Variants in NCR1 observed in about 807,000 individuals in gnomAD.
NCR1 encodes NK cell-activating receptor.
In NCR1, 30 loss-of-function variants were observed where a neutral mutation model predicts 32.5. The ratio of observed to expected loss-of-function variants is 0.92; its 90% CI spans 0.69 to 1.25. The LOEUF (loss-of-function observed/expected upper bound fraction) is 1.25. Among genes scored for constraint, NCR1 ranks in the 50% most tolerant of loss-of-function variants. NCR1 has a pLI of 0.00. For missense variants in NCR1, 369 were observed against 380.7 expected (o/e 0.97, Z 0.26); for synonymous variants, 169 against 143.4 (o/e 1.18, Z -1.28).
At chr19:54,927,657 T>C in the NCR1 span, 3 of 1,614,176 alleles carry the variant, frequency 1.9e-6, no homozygotes, top group Non-Finnish European at 2.5e-6. Flanking sequence ...AAGAGCTTAA[T>C]TATGCCACTC....
At chr19:54,931,098 G>A in the NCR1 span, among the ~76,000 whole-genome samples, 1 of 152,158 alleles carries the variant, frequency 6.6e-6, no homozygotes, top group Admixed American at 6.5e-5. Context: ...ATGAACTGGA[G>A]CTATATACTT....
downstream of NCR1, among the ~76,000 whole-genome samples, chr19:54,915,383 G>A (rs148573608): frequency 6.6e-6 from 1 of 152,024 alleles, no homozygotes; most frequent in East Asian, 1.9e-4. Context: ...GGGTCCTCAC[G>A]CCCTCCCATT....
At chr19:54,924,539 A>G in the NCR1 span, among the ~76,000 whole-genome samples, 1 of 152,116 alleles carries the variant, frequency 6.6e-6, no homozygotes, top group Non-Finnish European at 1.5e-5. Context: ...CAAGAGGATC[A>G]CTTGAGCCCA....
At chr19:54,899,699 A>C in the NCR1 span, among the ~76,000 whole-genome samples, 1 of 151,988 alleles carries the variant, frequency 6.6e-6, no homozygotes, top group Non-Finnish European at 1.5e-5. Context: ...AGAGACACAG[A>C]GAAGGAGTTG....
the NCR1 span, among the ~76,000 whole-genome samples, chr19:54,899,653 G>A: frequency 2.6e-5 from 4 of 152,000 alleles, no homozygotes; most frequent in Admixed American, 2.6e-4. Flanking sequence ...AAGGGGTTGG[G>A]GGGTTCTTGC....
At chr19:54,903,411 C>CATGT (rs2067353592), upstream of NCR1, among the ~76,000 whole-genome samples, 1 of 127,908 alleles carries the variant, frequency 7.8e-6, no homozygotes, top group East Asian at 2.5e-4. Context: ...TGTATGTATA[C>CATGT]ACGCATACAT....
the NCR1 span, among the ~76,000 whole-genome samples, chr19:54,935,939 G>A: frequency 0.033 from 5,063 of 152,104 alleles, 259 homozygotes; most frequent in African/African-American, 0.11. Flanking sequence ...GTGCAAAACC[G>A]GCCCGCGGTG....
At chr19:54,908,607 G>T (rs2067767398) in intron 3 of NCR1, among the ~76,000 whole-genome samples, 2 of 151,848 alleles carry the variant, frequency 1.3e-5, no homozygotes, top group South Asian at 4.2e-4. Context: ...GCAGTGGCCG[G>T]GCGGGGGCTG....
At chr19:54,933,020 A>T in the NCR1 span, among the ~76,000 whole-genome samples, 217 of 152,274 alleles carry the variant, frequency 1.4e-3, 1 homozygote, top group Non-Finnish European at 2.8e-3. Flanking sequence ...AGGAATTTGA[A>T]AGAACACACA....
At chr19:54,926,162 G>A in the NCR1 span, among the ~76,000 whole-genome samples, 8 of 151,908 alleles carry the variant, frequency 5.3e-5, no homozygotes, top group Non-Finnish European at 1.0e-4. Context: ...CTAAGACCCA[G>A]GACAGCTCTG....
the NCR1 span, among the ~76,000 whole-genome samples, chr19:54,932,610 C>T: frequency 6.6e-6 from 1 of 152,206 alleles, no homozygotes. Context: ...GGGTCAATTC[C>T]AACCTGCCAC....
At chr19:54,901,394 T>C (rs1229107347), upstream of NCR1, among the ~76,000 whole-genome samples, 1 of 141,994 alleles carries the variant, frequency 7.0e-6, no homozygotes, top group African/African-American at 2.7e-5. Context: ...AGATTAGTAA[T>C]ATCCTCTGTG....
chr19:54,934,701 A>C, the NCR1 span: 1 of 1,516,532 alleles, frequency 6.6e-7, no homozygotes. This position sits in a 1 kb window ranked among gnomAD's most constrained non-coding sequence, Gnocchi z 6.7. Context: ...GGGAGGACAG[A>C]GTATACCCTA....
chr19:54,900,254 G>A, the NCR1 span, among the ~76,000 whole-genome samples: 2 of 152,096 alleles, frequency 1.3e-5, no homozygotes, highest in South Asian at 4.1e-4. Flanking sequence ...TATTTCACCT[G>A]GGTGCAGGCG....
the NCR1 span, chr19:54,933,804 G>T: frequency 1.4e-6 from 2 of 1,381,930 alleles, no homozygotes; most frequent in Non-Finnish European, 2.1e-6. Context: ...CCTGCTCAGT[G>T]ATGTCCACAT....
intron 2 of NCR1, 47 bp from the exon 3 acceptor site, chr19:54,906,476 G>T: frequency 1.9e-6 from 3 of 1,599,244 alleles, no homozygotes; most frequent in South Asian, 1.1e-5. Flanking sequence ...GCCTAAGGTT[G>T]GGGGGAGGGG....
the NCR1 span, among the ~76,000 whole-genome samples, chr19:54,931,085 C>T: frequency 1.3e-5 from 2 of 152,108 alleles, no homozygotes; most frequent in Non-Finnish European, 2.9e-5. Context: ...TAGGAATTGA[C>T]CCATGAACTG....
At chr19:54,918,516 G>A (rs544711221), downstream of NCR1, among the ~76,000 whole-genome samples, 21 of 152,026 alleles carry the variant, frequency 1.4e-4, no homozygotes, top group Admixed American at 3.9e-4. Context: ...TCAAGTGATC[G>A]GCCCGCCTGG....
At chr19:54,900,330 A>T in the NCR1 span, among the ~76,000 whole-genome samples, 6 of 152,138 alleles carry the variant, frequency 3.9e-5, no homozygotes, top group African/African-American at 1.4e-4. Flanking sequence ...GGATTTGGGT[A>T]GGTAAAGGAA....
Sources: gnomAD v4.1 joint callset for allele counts (sites outside exome capture counted in the v4.1 genomes callset) on GRCh38, gnomAD v4.1.1 for gene constraint, Gnocchi (gnomAD v3.1) non-coding constraint, MANE v1.5 for transcripts, NCBI Gene and HGNC (gene_info 2026-07-23, HGNC 2026-07-21) for gene names.